Variants in PRKAR1A observed in about 807,000 individuals in gnomAD.
The protein encoded by PRKAR1A is protein kinase cAMP-dependent type I regulatory subunit alpha, also known as cAMP-dependent protein kinase type I-alpha regulatory subunit.
PRKAR1A carries 3 observed loss-of-function variants against 52.0 expected under a neutral mutation model. The ratio of observed to expected loss-of-function variants is 0.06; its 90% confidence interval spans 0.03 to 0.15. The LOEUF is 0.15. Among genes scored for constraint, PRKAR1A ranks in the 10% least tolerant of loss-of-function variants. The probability of loss-of-function intolerance (pLI) is 1.00; values close to 1 mark genes in which losing one functional copy is unlikely to be tolerated. For missense variants in PRKAR1A, 240 were observed against 477.4 expected, an observed-to-expected ratio of 0.50 and a Z score of 4.63; for synonymous variants, 188 against 168.4, an observed-to-expected ratio of 1.12 and a Z score of -0.90.
intron 11 of PRKAR1A, chr17:68,542,863 A>C: frequency 7.1e-7 from 1 of 1,412,940 alleles, no homozygotes. Context: ...AGTGAGGAGG[A>C]GGGGTTTTGT....
the PRKAR1A span, among the ~76,000 whole-genome samples, chr17:68,471,959 C>T: frequency 6.6e-6 from 1 of 152,142 alleles, no homozygotes; most frequent in Non-Finnish European, 1.5e-5. Flanking sequence ...CGCCACCACG[C>T]CTGGCTAATG....
At chr17:68,548,795 C>T (rs1035708234) in intron 11 of PRKAR1A, among the ~76,000 whole-genome samples, 1 of 133,974 alleles carries the variant, frequency 7.5e-6, no homozygotes, top group African/African-American at 2.9e-5. Context: ...TGCAGTGGCT[C>T]GATCTTGGCT....
the PRKAR1A span, among the ~76,000 whole-genome samples, chr17:68,418,948 C>A: frequency 6.6e-6 from 1 of 151,790 alleles, no homozygotes; most frequent in African/African-American, 2.4e-5. Flanking sequence ...TGCTTTAATT[C>A]CCTTTGTTTA....
the PRKAR1A span, chr17:68,426,214 A>T: frequency 8.3e-7 from 1 of 1,204,524 alleles, no homozygotes; most frequent in South Asian, 1.2e-5. Flanking sequence ...AGCACTGGGG[A>T]TCTGCTTTTA....
the PRKAR1A span, among the ~76,000 whole-genome samples, chr17:68,478,219 C>T: frequency 3.9e-5 from 6 of 152,046 alleles, no homozygotes; most frequent in East Asian, 3.9e-4. Flanking sequence ...TTTGGGGGGC[C>T]GAGGGGGGTG....
chr17:68,525,735 G>T lies in PRKAR1A; in HGVS notation c.550-19G>T, dbSNP rs2085769030. The stretch of plus-strand genomic sequence containing the variant: ...TTGTATCTAGAAAATAAACTTTTTT[G>T]ATGTCACTTGCACTTTAGGTCTATG... On this transcript the variant is annotated intron_variant, in intron 6 of 10. Transcript: ENST00000589228. 2 of 1,613,002 alleles carry T rather than the reference G, an allele frequency of 1.2e-6. No individual in the cohort carries two copies. The highest frequency in any genetic ancestry group is 1.7e-6 in the Non-Finnish European group (2 of 1,179,458).
At chr17:68,541,942 C>T in intron 11 of PRKAR1A, 1 of 1,586,894 alleles carries the variant, frequency 6.3e-7, no homozygotes, top group Non-Finnish European at 8.6e-7. Flanking sequence ...GGGTCTGTGG[C>T]TACTGTCAAG....
the PRKAR1A span, among the ~76,000 whole-genome samples, chr17:68,496,863 T>C: frequency 6.7e-6 from 1 of 148,710 alleles, no homozygotes; most frequent in Non-Finnish European, 1.5e-5. Flanking sequence ...TCTCACTTTG[T>C]CACCCAGGCT....
chr17:68,424,959 A>G, the PRKAR1A span, among the ~76,000 whole-genome samples: 5 of 152,246 alleles, frequency 3.3e-5, no homozygotes, highest in African/African-American at 9.6e-5. Context: ...TGAAGCTCAC[A>G]AGAGCGGTCT....
intron 11 of PRKAR1A, among the ~76,000 whole-genome samples, chr17:68,539,647 G>A (rs533834259): frequency 2.5e-4 from 38 of 152,338 alleles, no homozygotes; most frequent in Admixed American, 7.8e-4. Flanking sequence ...CCTTGCTCTC[G>A]AAAACCTCAC....
chr17:68,414,798 T>C, the PRKAR1A span, among the ~76,000 whole-genome samples: 1 of 152,192 alleles, frequency 6.6e-6, no homozygotes. Flanking sequence ...CCATCTCTTC[T>C]AGGTTTTTTA....
the PRKAR1A span, among the ~76,000 whole-genome samples, chr17:68,433,162 A>G: frequency 2.0e-5 from 3 of 152,374 alleles, no homozygotes; most frequent in Middle Eastern, 6.8e-3. Context: ...CTCATTTAAT[A>G]CTACTGTTAT....
At chr17:68,495,942 T>C in the PRKAR1A span, among the ~76,000 whole-genome samples, 1 of 130,490 alleles carries the variant, frequency 7.7e-6, no homozygotes, top group African/African-American at 3.0e-5. Context: ...TTCCTTTCCT[T>C]TCCTTTCCTT....
At chr17:68,539,637 C>T (rs951322971) in intron 11 of PRKAR1A, among the ~76,000 whole-genome samples, 6 of 152,214 alleles carry the variant, frequency 3.9e-5, no homozygotes, top group Non-Finnish European at 5.9e-5. Flanking sequence ...TGAGGATGCA[C>T]CTTGCTCTCG....
At chr17:68,539,253 G>T (rs1052089651) in intron 11 of PRKAR1A, 2 of 1,380,714 alleles carry the variant, frequency 1.4e-6, no homozygotes, top group South Asian at 1.2e-5. Flanking sequence ...AGTGAAAACT[G>T]GAAGCCCTTC....
intron 11 of PRKAR1A, among the ~76,000 whole-genome samples, chr17:68,548,771 C>T (rs1198573258): frequency 3.3e-5 from 4 of 120,500 alleles, no homozygotes; most frequent in Admixed American, 1.0e-4. Flanking sequence ...CTCCCTCTGT[C>T]GCCTGGGCTG....
chr17:68,450,912 A>C, the PRKAR1A span: 12 of 1,608,330 alleles, frequency 7.5e-6, no homozygotes, highest in Non-Finnish European at 9.3e-6. Context: ...GAGGAAAAGC[A>C]GCCGGGAGGT....
the PRKAR1A span, among the ~76,000 whole-genome samples, chr17:68,445,685 G>C: frequency 6.6e-6 from 1 of 152,168 alleles, no homozygotes; most frequent in African/African-American, 2.4e-5. Flanking sequence ...CAGGCCACAG[G>C]GTTGATGTAT....
the PRKAR1A span, among the ~76,000 whole-genome samples, chr17:68,444,222 T>C: frequency 6.6e-6 from 1 of 152,222 alleles, no homozygotes; most frequent in East Asian, 1.9e-4. Flanking sequence ...ATGTCTACCT[T>C]ACGTGCCTTG....
Sources: allele counts gnomAD v4.1 joint callset (sites outside exome capture counted in the v4.1 genomes callset), GRCh38; gene constraint gnomAD v4.1.1; transcripts MANE v1.5; gene names NCBI Gene and HGNC (gene_info 2026-07-23, HGNC 2026-07-21).